The following PIK3C2G variants were observed in gnomAD, a reference collection of about 807,000 sequenced individuals.
The protein encoded by PIK3C2G is phosphatidylinositol 3-kinase C2 domain-containing subunit gamma.
Under a neutral mutation model 181.1 loss-of-function variants are expected in PIK3C2G, and 168 were observed. That is an observed-to-expected ratio of 0.93 (90% CI 0.82 to 1.05). The LOEUF is 1.05. PIK3C2G is among the 50% of genes least tolerant of loss of function. The pLI, the probability that PIK3C2G is intolerant of heterozygous loss-of-function variation, is 0.00. For missense variants in PIK3C2G, 1,869 were observed against 1,732.8 expected, an observed-to-expected ratio of 1.08 and a Z score of -1.40; for synonymous variants, 573 against 592.2, an observed-to-expected ratio of 0.97 and a Z score of 0.47.
intron 18 of PIK3C2G, among the ~76,000 whole-genome samples, chr12:18,480,937 A>G (rs4475975): frequency 0.16 from 24,628 of 151,416 alleles, 2,440 homozygotes; most frequent in South Asian, 0.4. Flanking sequence ...TTATTTTTTT[A>G]TTTTTTATTT....
At chr12:18,292,087 G>A (rs1328258677) in intron 4 of PIK3C2G, among the ~76,000 whole-genome samples, 2 of 150,018 alleles carry the variant, frequency 1.3e-5, no homozygotes, top group East Asian at 4.0e-4. Flanking sequence ...GCGCATGCCT[G>A]TAATCCCAGC....
chr12:18,478,990 T>A (rs986705659), intron 18 of PIK3C2G, among the ~76,000 whole-genome samples: 5 of 147,390 alleles, frequency 3.4e-5, no homozygotes, highest in African/African-American at 9.9e-5. Flanking sequence ...AAAAAAAATA[T>A]ATATATATAT....
rs368497709 is a variant in PIK3C2G, at chr12:18,436,566, A to G, written c.2504+12527A>G. Among the ~76,000 whole-genome samples, 21 of 152,116 alleles carry G rather than the reference A, an allele frequency of 1.4e-4. No individual in the cohort carries two copies. The East Asian group carries it at 1.7e-3, about 13-fold the overall frequency. On this transcript the variant is annotated intron_variant, in intron 18 of 32. Coordinates refer to ENST00000538779, the MANE Select transcript of PIK3C2G (RefSeq NM_001288772.2). ...TAACCATCTATCCTTAACATAGAAC[A>G]TTGCACACAGTATACAATTCATTCA...
At chr12:18,724,146 C>T in the PIK3C2G span, among the ~76,000 whole-genome samples, 1 of 151,912 alleles carries the variant, frequency 6.6e-6, no homozygotes. Context: ...AAATCAATAC[C>T]AAAAATAGAA....
intron 29 of PIK3C2G, among the ~76,000 whole-genome samples, chr12:18,574,904 T>C (rs1946151457): frequency 6.6e-6 from 1 of 152,122 alleles, no homozygotes; most frequent in African/African-American, 2.4e-5. Flanking sequence ...ATAGATTGAA[T>C]CAGTACATAT....
chr12:18,569,734 T>A (rs1945828234), intron 29 of PIK3C2G, among the ~76,000 whole-genome samples: 1 of 152,192 alleles, frequency 6.6e-6, no homozygotes, highest in South Asian at 2.1e-4. Flanking sequence ...CAATTTTCTA[T>A]ACTTGGTCTT....
At chr12:18,471,367 C>T (rs915140237) in intron 18 of PIK3C2G, among the ~76,000 whole-genome samples, 4 of 152,128 alleles carry the variant, frequency 2.6e-5, no homozygotes, top group African/African-American at 4.8e-5. Flanking sequence ...CTGCTCTCCC[C>T]GGTGCTACCT....
At chr12:18,407,063 C>A (rs1271574373) in intron 16 of PIK3C2G, among the ~76,000 whole-genome samples, 1 of 151,890 alleles carries the variant, frequency 6.6e-6, no homozygotes, top group Non-Finnish European at 1.5e-5. Flanking sequence ...TATTATATAC[C>A]TCCTAGGGTT....
At chr12:18,494,768 T>A (rs532976163) in intron 20 of PIK3C2G, among the ~76,000 whole-genome samples, 1 of 152,256 alleles carries the variant, frequency 6.6e-6, no homozygotes, top group South Asian at 2.1e-4. Flanking sequence ...GATCCCTAAT[T>A]AGCTGACTTT....
intron 16 of PIK3C2G, among the ~76,000 whole-genome samples, chr12:18,402,964 T>C (rs1451376856): frequency 2.0e-5 from 3 of 152,138 alleles, no homozygotes; most frequent in African/African-American, 7.2e-5. Flanking sequence ...CTATAGAGGT[T>C]ATGTTGCCTC....
At chr12:18,248,984 T>A (rs926707375) in intron 1 of PIK3C2G, among the ~76,000 whole-genome samples, 3 of 152,190 alleles carry the variant, frequency 2.0e-5, no homozygotes, top group African/African-American at 4.8e-5. Context: ...TAGCGCATAT[T>A]CTCTTTATCC....
intron 26 of PIK3C2G, among the ~76,000 whole-genome samples, chr12:18,559,975 C>T (rs2136324304): frequency 6.6e-6 from 1 of 150,874 alleles, no homozygotes; most frequent in East Asian, 2.0e-4. Context: ...TCACAAGTAA[C>T]TGGGATTACA....
chr12:18,283,465 G>A (rs762088874), intron 2 of PIK3C2G, among the ~76,000 whole-genome samples: 3 of 152,110 alleles, frequency 2.0e-5, no homozygotes, highest in Non-Finnish European at 4.4e-5. Flanking sequence ...CAGTTTCCTG[G>A]GTGAGGCAGA....
intron 2 of PIK3C2G, among the ~76,000 whole-genome samples, chr12:18,283,126 T>C (rs1362684932): frequency 6.6e-6 from 1 of 152,124 alleles, no homozygotes; most frequent in Non-Finnish European, 1.5e-5. Flanking sequence ...ATACGTTTCA[T>C]TACATTATAT....
downstream of PIK3C2G, among the ~76,000 whole-genome samples, chr12:18,652,887 A>G (rs115183613): frequency 5.3e-3 from 813 of 152,168 alleles, 9 homozygotes; most frequent in African/African-American, 0.019. Flanking sequence ...CATTGAACAT[A>G]TACATATATA....
chr12:18,450,816 C>T (rs1947303665), intron 18 of PIK3C2G, among the ~76,000 whole-genome samples: 1 of 152,172 alleles, frequency 6.6e-6, no homozygotes, highest in African/African-American at 2.4e-5. Context: ...TTTCCCAACA[C>T]CATTTATTAA....
intron 24 of PIK3C2G, among the ~76,000 whole-genome samples, chr12:18,520,725 C>CAAAA (rs2136180088): frequency 6.6e-6 from 1 of 152,264 alleles, no homozygotes; most frequent in East Asian, 1.9e-4. Context: ...GTCAATTTTT[C>CAAAA]CATCTCATCC....
chr12:18,397,266 A>G (rs1441255441), intron 15 of PIK3C2G, among the ~76,000 whole-genome samples: 1 of 152,028 alleles, frequency 6.6e-6, no homozygotes, highest in Non-Finnish European at 1.5e-5. Flanking sequence ...TTTCTTAAAC[A>G]AATAAAGAAA....
intron 26 of PIK3C2G, among the ~76,000 whole-genome samples, chr12:18,559,007 A>G (rs1945155102): frequency 6.6e-6 from 1 of 152,138 alleles, no homozygotes; most frequent in African/African-American, 2.4e-5. Flanking sequence ...GTGTGTGTCT[A>G]TGTGTTTGCA....
Sources: allele counts gnomAD v4.1 joint callset (sites outside exome capture counted in the v4.1 genomes callset), GRCh38; gene constraint gnomAD v4.1.1; transcripts MANE v1.5; gene names NCBI Gene and HGNC (gene_info 2026-07-23, HGNC 2026-07-21).